Variants in SPESP1 observed in about 807,000 individuals in gnomAD.
SPESP1 encodes equatorial segment protein.
SPESP1 carries 1 observed loss-of-function variant against 3.1 expected under a neutral mutation model. The observed-to-expected ratio is 0.33, with a 90% CI of 0.12 to 1.54. The LOEUF is 1.54. Among genes scored for constraint, SPESP1 ranks in the 40% most tolerant of loss-of-function variants. The pLI, the probability that SPESP1 is intolerant of heterozygous loss-of-function variation, is 0.38. For missense variants in SPESP1, 398 were observed against 410.1 expected (o/e 0.97, Z 0.26); for synonymous variants, 138 against 150.7 (o/e 0.92, Z 0.62).
At chr15:68,944,761 C>T (rs1895916000) in intron 1 of SPESP1, among the ~76,000 whole-genome samples, 1 of 152,174 alleles carries the variant, frequency 6.6e-6, no homozygotes. Flanking sequence ...AGGCAAGACT[C>T]ATTGGGTTCC....
chr15:68,942,446 C>T (rs916964953), intron 1 of SPESP1, among the ~76,000 whole-genome samples: 2 of 152,038 alleles, frequency 1.3e-5, no homozygotes, highest in Non-Finnish European at 1.5e-5. Context: ...ATTGCATTGA[C>T]TAGTATCTCC....
At chr15:68,940,509 G>A (rs1383353921) in intron 1 of SPESP1, among the ~76,000 whole-genome samples, 1 of 152,110 alleles carries the variant, frequency 6.6e-6, no homozygotes, top group Non-Finnish European at 1.5e-5. Flanking sequence ...ATTCAAGTAA[G>A]ATTTATACAT....
chr15:68,930,749 G>A (rs778027918), intron 1 of SPESP1, 32 bp downstream of exon 1: 4 of 1,612,728 alleles, frequency 2.5e-6, no homozygotes, highest in East Asian at 2.2e-5. Context: ...GCAGCGGACC[G>A]GGGACACCCT....
At position 68,945,816 on chromosome 15, in the gene SPESP1, C is replaced by CTGT; in HGVS notation, c.282_283insTGT (p.Ile94_Ser95insCys). The CTGT allele has an allele frequency of 6.2e-7, 1 of 1,613,910 alleles. No individual in the cohort carries two copies. The highest frequency in any genetic ancestry group is 8.5e-7 in the Non-Finnish European group (1 of 1,179,984). ...AGAATGATGTTTTAACCAATCCTAT[C>CTGT]AGTGAAGAAACTACAACTTTCCCTA... On this transcript the variant is annotated inframe_insertion, in exon 2 of 2. Transcript: ENST00000310673.
In SPESP1 at chr15:68,944,919, C is replaced by T. The variant is rs182891650; in HGVS notation, c.65-680C>T. Among the ~76,000 whole-genome samples, 163 of 152,210 alleles carry T rather than the reference C, an allele frequency of 1.1e-3. 1 individual carries two copies. Among genetic ancestry groups the T allele is most frequent in the Non-Finnish European group, 9.1e-4 (62 of 68,014 alleles). On this transcript the variant is annotated intron_variant, in intron 1 of 1. Transcript: ENST00000310673. The stretch of plus-strand genomic sequence containing the variant: ...AGGAAACTCTGATTTGTAGCATTTG[C>T]TCATTTACATGGCGTAGATACTCCA...
At chr15:68,931,085 T>A (rs1176825869) in intron 1 of SPESP1, among the ~76,000 whole-genome samples, 1 of 152,094 alleles carries the variant, frequency 6.6e-6, no homozygotes, top group East Asian at 1.9e-4. Context: ...TACATTTTCT[T>A]CCTTTTTTTT....
chr15:68,931,087 C>CT lies in SPESP1; in HGVS notation c.64+379dup, dbSNP rs918721250. ...TAGGAATGATTTTTACATTTTCTTC[C>CT]TTTTTTTTTAATTATTATACTTTAA... On this transcript the variant is annotated intron_variant, in intron 1 of 1. Transcript: ENST00000310673. 1.1e-4 allele frequency among the ~76,000 whole-genome samples: 16 copies of CT among 151,482 alleles called. 2 individuals are homozygous for CT. The highest frequency in any genetic ancestry group is 2.0e-4 in the Admixed American group (3 of 15,216).
At chr15:68,933,760 G>A (rs1191196886) in intron 1 of SPESP1, among the ~76,000 whole-genome samples, 1 of 151,890 alleles carries the variant, frequency 6.6e-6, no homozygotes, top group Non-Finnish European at 1.5e-5. Context: ...TCGGGAGGCT[G>A]AGGTGGGAGG....
rs143564722 is a variant in SPESP1, at chr15:68,936,423, C to A, written c.64+5706C>A. On this transcript the variant is annotated intron_variant, in intron 1 of 1. Coordinates refer to ENST00000310673, the MANE Select transcript of SPESP1 (RefSeq NM_145658.4). ...CGATACATGCTACAACATAGATGATCTTGAAGACATTACGCTAAGTATAAG... is the reference window on the plus strand; with the variant it reads ...CGATACATGCTACAACATAGATGATATTGAAGACATTACGCTAAGTATAAG... Among the ~76,000 whole-genome samples, 58 of 152,296 alleles carry A rather than the reference C, an allele frequency of 3.8e-4. 1 individual carries two copies. The East Asian group carries it at 0.01, about 27-fold the overall frequency.
chr15:68,945,027 T>G (rs1308779624), intron 1 of SPESP1, among the ~76,000 whole-genome samples: 2 of 152,178 alleles, frequency 1.3e-5, no homozygotes, highest in Non-Finnish European at 2.9e-5. Flanking sequence ...TATATGCATT[T>G]TCATCATACA....
At chr15:68,931,355 C>T (rs894433727) in intron 1 of SPESP1, among the ~76,000 whole-genome samples, 2 of 151,574 alleles carry the variant, frequency 1.3e-5, no homozygotes, top group African/African-American at 4.9e-5. Flanking sequence ...TTTCATTGTT[C>T]GTGAATAAAG....
chr15:68,931,977 T>C (rs947632859), intron 1 of SPESP1, among the ~76,000 whole-genome samples: 1 of 152,206 alleles, frequency 6.6e-6, no homozygotes, highest in African/African-American at 2.4e-5. Flanking sequence ...AAACTGAAAA[T>C]ACAACACAAT....
chr15:68,944,946 C>G (rs1895922180), intron 1 of SPESP1, among the ~76,000 whole-genome samples: 2 of 152,092 alleles, frequency 1.3e-5, no homozygotes, highest in East Asian at 3.9e-4. Flanking sequence ...GATACTCCAA[C>G]CATGGTTGAT....
Position 68,946,344 on chromosome 15 carries a change from A to G in SPESP1, c.810A>G (p.Ala270=). Residue 270 remains alanine (A), a synonymous_variant, in exon 2 of 2, where the codon GCA becomes GCG. Transcript: ENST00000310673. The stretch of plus-strand genomic sequence containing the variant: ...AACGAAGCCTTGCTCTAGCAGCAGC[A>G]GCAGAACATAAATTAAAAACAATGT... ...HLKRSLALAA[A]AEHKLKTMYK... The G allele has an allele frequency of 6.2e-7, 1 of 1,614,214 alleles. No individual in the cohort carries two copies. Among genetic ancestry groups the G allele is most frequent in the Non-Finnish European group, 8.5e-7 (1 of 1,180,052 alleles).
At chr15:68,936,925 A>G (rs1235688843) in intron 1 of SPESP1, among the ~76,000 whole-genome samples, 1 of 152,138 alleles carries the variant, frequency 6.6e-6, no homozygotes, top group Admixed American at 6.5e-5. Flanking sequence ...TTTTATATAA[A>G]CTTCACACTT....
At chr15:68,942,112 C>T (rs530335916) in intron 1 of SPESP1, among the ~76,000 whole-genome samples, 2 of 151,990 alleles carry the variant, frequency 1.3e-5, no homozygotes, top group Non-Finnish European at 2.9e-5. Context: ...GTGTGAATCA[C>T]TGCACACAGC....
At chr15:68,937,899 T>C (rs1895724036) in intron 1 of SPESP1, among the ~76,000 whole-genome samples, 1 of 152,232 alleles carries the variant, frequency 6.6e-6, no homozygotes, top group Non-Finnish European at 1.5e-5. Flanking sequence ...CCTCCTTTAA[T>C]TGGTCATTCT....
intron 1 of SPESP1, among the ~76,000 whole-genome samples, chr15:68,940,559 T>TCTCTA (rs1895793139): frequency 6.6e-6 from 1 of 152,186 alleles, no homozygotes; most frequent in African/African-American, 2.4e-5. Flanking sequence ...TTTTAATCTA[T>TCTCTA]AGTTCTTCCT....
intron 1 of SPESP1, among the ~76,000 whole-genome samples, chr15:68,933,177 A>G (rs190441747): frequency 2.6e-5 from 4 of 152,308 alleles, no homozygotes; most frequent in Admixed American, 6.5e-5. Flanking sequence ...TTATTACGCA[A>G]ACATCACGGG....
Sources: allele counts gnomAD v4.1 joint callset (sites outside exome capture counted in the v4.1 genomes callset), GRCh38; gene constraint gnomAD v4.1.1; transcripts MANE v1.5; gene names NCBI Gene and HGNC (gene_info 2026-07-23, HGNC 2026-07-21).